SAMD3: variants seen among roughly 807,000 people sequenced by gnomAD.
SAMD3 encodes sterile alpha motif domain containing 3.
Under a neutral mutation model 58.5 loss-of-function variants are expected in SAMD3, and 63 were observed. The ratio of observed to expected loss-of-function variants is 1.08; its 90% CI spans 0.88 to 1.33. The LOEUF (loss-of-function observed/expected upper bound fraction) is 1.33, where lower values mean the gene tolerates loss of function less well. Ranked by LOEUF, SAMD3 falls within the 40% of genes most tolerant of loss-of-function variation. SAMD3 has a pLI of 0.00. For synonymous variants in SAMD3, 220 were observed against 210.3 expected (o/e 1.05, Z -0.40); for missense variants, 604 against 608.4 (o/e 0.99, Z 0.08).
At chr6:130,250,382 A>G (rs1419638640) in intron 2 of SAMD3, among the ~76,000 whole-genome samples, 1 of 152,150 alleles carries the variant, frequency 6.6e-6, no homozygotes, top group Non-Finnish European at 1.5e-5. Context: ...CAGTAGAAGC[A>G]GTTATGCCTA....
At chr6:130,204,784 T>C (rs1301315994) in intron 5 of SAMD3, among the ~76,000 whole-genome samples, 1 of 81,894 alleles carries the variant, frequency 1.2e-5, no homozygotes, top group Admixed American at 1.4e-4. Flanking sequence ...TTTTTTTTTG[T>C]CAGCACACAA....
intron 5 of SAMD3, 47 bp from the exon 6 acceptor site, chr6:130,184,670 T>C: frequency 1.3e-6 from 2 of 1,488,610 alleles, no homozygotes; most frequent in South Asian, 1.2e-5. Flanking sequence ...TCCAAATATA[T>C]GCAGTTTATT....
At chr6:130,293,170 A>G (rs570588200) in intron 2 of SAMD3, among the ~76,000 whole-genome samples, 1 of 152,322 alleles carries the variant, frequency 6.6e-6, no homozygotes, top group East Asian at 1.9e-4. Context: ...TTTTGGTTTT[A>G]TATTACGGAC....
chr6:130,171,548 CTAATT>C (rs551315807), intron 8 of SAMD3, among the ~76,000 whole-genome samples: 41 of 152,292 alleles, frequency 2.7e-4, no homozygotes, highest in Admixed American at 3.9e-4. Context: ...ATCCTGAGCT[CTAATT>C]TGATTGCACT....
Position 130,185,649 on chromosome 6 carries a change from T to TA in SAMD3, c.384-1027dup, listed in dbSNP as rs1554258211. 2.9e-3 allele frequency among the ~76,000 whole-genome samples: 426 copies of TA among 148,702 alleles called. 4 individuals are homozygous for TA. The highest frequency in any genetic ancestry group is 8.3e-3 in the African/African-American group (334 of 40,046). ...CCCAATTTTTTTTTTTTTTTTTTTT[T>TA]AGACAGAGTCTTGCTCTGCCATCCA... On this transcript the variant is annotated intron_variant, in intron 5 of 11. Coordinates refer to ENST00000439090, the MANE Select transcript of SAMD3 (RefSeq NM_001017373.4).
At chr6:130,215,025 G>A (rs1240519243) in intron 3 of SAMD3, among the ~76,000 whole-genome samples, 170 bp downstream of exon 3, 1 of 152,228 alleles carries the variant, frequency 6.6e-6, no homozygotes, top group Non-Finnish European at 1.5e-5. Context: ...CTTTCAAGTG[G>A]AAACTCTGCT....
chr6:130,167,041 T>C (rs934342010), intron 8 of SAMD3, among the ~76,000 whole-genome samples: 15 of 152,048 alleles, frequency 9.9e-5, no homozygotes, highest in African/African-American at 3.6e-4. Flanking sequence ...CATAACCAGG[T>C]ATGCATAACG....
At chr6:130,339,913 T>C (rs560211994) in intron 1 of SAMD3, among the ~76,000 whole-genome samples, 96 of 152,276 alleles carry the variant, frequency 6.3e-4, no homozygotes, top group African/African-American at 2.2e-3. Context: ...CATTTCCAAG[T>C]CTATTTCTCT....
At chr6:130,320,203 TCAAA>T (rs527648312) in intron 1 of SAMD3, among the ~76,000 whole-genome samples, 203 of 151,992 alleles carry the variant, frequency 1.3e-3, no homozygotes, top group Non-Finnish European at 1.5e-3. Context: ...TTCTCAAAAC[TCAAA>T]CAACTCTTTC....
chr6:130,337,246 A>G (rs1041662542), intron 1 of SAMD3, among the ~76,000 whole-genome samples: 4 of 152,008 alleles, frequency 2.6e-5, no homozygotes, highest in Non-Finnish European at 5.9e-5. Context: ...ATGGTTTTAT[A>G]AGTGTTTGAC....
intron 1 of SAMD3, chr6:130,221,601 A>T (rs1458120203): frequency 6.6e-6 from 1 of 152,236 alleles, no homozygotes; most frequent in Admixed American, 6.5e-5. Flanking sequence ...TTATTAAGCA[A>T]ATAACAAGGA....
intron 1 of SAMD3, among the ~76,000 whole-genome samples, chr6:130,217,465 A>G (rs1562461889): frequency 6.6e-6 from 1 of 152,248 alleles, no homozygotes; most frequent in Non-Finnish European, 1.5e-5. Context: ...ACAAACCATT[A>G]TCATTATTTG....
chr6:130,223,061 A>T (rs1206326460), upstream of SAMD3: 1 of 152,206 alleles, frequency 6.6e-6, no homozygotes, highest in Non-Finnish European at 1.5e-5. Flanking sequence ...AGTGTGACAA[A>T]TACCCATGTA....
At chr6:130,180,225 GTCCTCCCACCTC>G (rs1359565894) in intron 7 of SAMD3, among the ~76,000 whole-genome samples, 2 of 149,928 alleles carry the variant, frequency 1.3e-5, no homozygotes, top group South Asian at 4.2e-4. Context: ...GGCTCTAGTG[GTCCTCCCACCTC>G]AGCCTCCCAA....
intron 1 of SAMD3, among the ~76,000 whole-genome samples, chr6:130,357,584 T>A (rs1047150130): frequency 2.6e-5 from 4 of 152,198 alleles, no homozygotes; most frequent in Admixed American, 2.6e-4. Flanking sequence ...TATTTTTGCA[T>A]AGGGGATAAT....
intron 2 of SAMD3, among the ~76,000 whole-genome samples, chr6:130,255,137 C>T (rs1773881187): frequency 6.6e-6 from 1 of 152,196 alleles, no homozygotes. Context: ...CTTCTAGTTT[C>T]ATACCATTGT....
At chr6:130,235,995 A>T (rs552071522) in intron 2 of SAMD3, among the ~76,000 whole-genome samples, 17 of 152,338 alleles carry the variant, frequency 1.1e-4, no homozygotes, top group Non-Finnish European at 2.2e-4. Context: ...TTGAACCTAG[A>T]GGTCAAACAC....
intron 1 of SAMD3, among the ~76,000 whole-genome samples, chr6:130,218,051 C>T (rs1172072147): frequency 1.3e-5 from 2 of 152,142 alleles, no homozygotes; most frequent in Non-Finnish European, 2.9e-5. Flanking sequence ...AGCCTCGCTA[C>T]CATGGGAGGT....
intron 1 of SAMD3, among the ~76,000 whole-genome samples, chr6:130,362,214 C>G (rs1375780761): frequency 6.6e-6 from 1 of 152,200 alleles, no homozygotes; most frequent in African/African-American, 2.4e-5. Flanking sequence ...AACATGCAGA[C>G]AGATCACTTG....
Sources: gnomAD v4.1 joint callset for allele counts (sites outside exome capture counted in the v4.1 genomes callset) on GRCh38, gnomAD v4.1.1 for gene constraint, MANE v1.5 for transcripts, NCBI Gene and HGNC (gene_info 2026-07-23, HGNC 2026-07-21) for gene names.